INPP4B: variants seen among roughly 807,000 people sequenced by gnomAD.
INPP4B encodes the protein inositol polyphosphate-4-phosphatase type II B, also known as inositol polyphosphate 4-phosphatase type II.
A neutral mutation model predicts 122.5 loss-of-function variants in INPP4B; 55 were observed. The ratio of observed to expected loss-of-function variants is 0.45; its 90% CI spans 0.36 to 0.56. INPP4B has a LOEUF of 0.56. Among genes scored for constraint, INPP4B ranks in the 20% least tolerant of loss-of-function variants. The pLI is 0.00. For missense variants in INPP4B, 1,000 were observed against 1,097.7 expected (o/e 0.91, Z 1.26); for synonymous variants, 403 against 388.7 (o/e 1.04, Z -0.43).
At chr4:142,699,597 C>T (rs966034477) in intron 2 of INPP4B, among the ~76,000 whole-genome samples, 11 of 152,176 alleles carry the variant, frequency 7.2e-5, no homozygotes, top group African/African-American at 2.4e-4. Flanking sequence ...ATATATTATA[C>T]ATCCCTGATC....
At chr4:142,499,962 C>T (rs762506153) in intron 2 of INPP4B, among the ~76,000 whole-genome samples, 15 of 152,210 alleles carry the variant, frequency 9.9e-5, no homozygotes, top group Admixed American at 5.2e-4. Flanking sequence ...CAGCCTGAGG[C>T]CAAATCCCCT....
At chr4:142,363,356 T>C (rs1041364951) in intron 7 of INPP4B, among the ~76,000 whole-genome samples, 1 of 151,858 alleles carries the variant, frequency 6.6e-6, no homozygotes, top group Non-Finnish European at 1.5e-5. Context: ...TATATATGTG[T>C]GTGTGTATAC....
At chr4:142,312,359 C>T (rs764274629) in intron 8 of INPP4B, among the ~76,000 whole-genome samples, 10 of 152,184 alleles carry the variant, frequency 6.6e-5, no homozygotes, top group Non-Finnish European at 1.3e-4. Context: ...GCTAATTTCT[C>T]TCTTAATCAT....
chr4:142,458,393 C>CT (rs1815959310), intron 3 of INPP4B, among the ~76,000 whole-genome samples: 1 of 151,662 alleles, frequency 6.6e-6, no homozygotes, highest in Non-Finnish European at 1.5e-5. Flanking sequence ...ACTCAAAGAA[C>CT]TATATGCCAA....
rs139245396 is a variant in INPP4B, at chr4:142,090,418, T to C, written c.2375-4162A>G. Among the ~76,000 whole-genome samples the C allele has an allele frequency of 1.1e-3, 159 of 149,156 alleles. 1 individual carries two copies. The highest frequency in any genetic ancestry group is 7.1e-3 in the Middle Eastern group (2 of 282). ...GCCATTTTTTTTTTTTTCAACCCAATAAAAATTCTGCAGACCACAGAAATT... is the reference window on the plus strand; with the variant it reads ...GCCATTTTTTTTTTTTTCAACCCAACAAAAATTCTGCAGACCACAGAAATT... On this transcript the variant is annotated intron_variant, in intron 23 of 25. Transcript: ENST00000262992.
At chr4:142,815,587 A>C (rs1030333392) in intron 1 of INPP4B, among the ~76,000 whole-genome samples, 8 of 152,140 alleles carry the variant, frequency 5.3e-5, no homozygotes, top group Middle Eastern at 3.2e-3. Context: ...CTGTGATGAA[A>C]AAATCAAATC....
chr4:142,423,576 A>T (rs1363191300), intron 5 of INPP4B: 2 of 205,140 alleles, frequency 9.7e-6, no homozygotes, highest in African/African-American at 2.4e-5. Context: ...CTCCTTATTT[A>T]TAGCCACGAT....
chr4:142,781,493 A>G (rs190774889), intron 1 of INPP4B, among the ~76,000 whole-genome samples: 1 of 152,314 alleles, frequency 6.6e-6, no homozygotes, highest in Non-Finnish European at 1.5e-5. Context: ...GATCATCTTA[A>G]GAAGTGATTA....
At chr4:142,407,276 G>C (rs1466380690) in intron 5 of INPP4B, among the ~76,000 whole-genome samples, 1 of 152,114 alleles carries the variant, frequency 6.6e-6, no homozygotes, top group Non-Finnish European at 1.5e-5. Context: ...TTTTAAAGCT[G>C]AGGCCACTGT....
At chr4:142,501,792 G>T (rs1823406277) in intron 2 of INPP4B, among the ~76,000 whole-genome samples, 1 of 152,056 alleles carries the variant, frequency 6.6e-6, no homozygotes, top group Admixed American at 6.6e-5. Flanking sequence ...AAGTCCAGAA[G>T]TTGGAAAACA....
intron 23 of INPP4B, among the ~76,000 whole-genome samples, chr4:142,087,234 A>G (rs336320): frequency 0.94 from 142,398 of 152,128 alleles, 67,397 homozygotes; most frequent in East Asian, 1. Context: ...GAGAACCAGC[A>G]CTATAAAGAA....
At chr4:142,802,665 C>T (rs1032118124) in intron 1 of INPP4B, among the ~76,000 whole-genome samples, 11 of 151,990 alleles carry the variant, frequency 7.2e-5, no homozygotes, top group East Asian at 5.8e-4. Flanking sequence ...TAAAATGGTA[C>T]GGAAGTTACC....
chr4:142,436,114 A>T lies in INPP4B; in HGVS notation c.-126-4729T>A, dbSNP rs1228371033. 2.6e-5 allele frequency among the ~76,000 whole-genome samples: 4 copies of T among 152,296 alleles called. No individual in the cohort carries two copies. The East Asian group carries it at 7.7e-4, about 29-fold the overall frequency. On this transcript the variant is annotated intron_variant, in intron 3 of 25. Coordinates refer to ENST00000262992, the MANE Select transcript of INPP4B (RefSeq NM_001101669.3). ...CTGGGTCCCGAGAGGTATTCTCCAC[A>T]GCCCAGCACACAGGCTGTGGCAGAC...
chr4:142,080,733 A>G (rs1271155011), intron 25 of INPP4B, among the ~76,000 whole-genome samples: 1 of 152,108 alleles, frequency 6.6e-6, no homozygotes, highest in Admixed American at 6.6e-5. Flanking sequence ...CTTCCAGAAG[A>G]TTTGTTACCT....
intron 15 of INPP4B, among the ~76,000 whole-genome samples, chr4:142,192,354 A>AAAAAAAAAAAAAAAAAAAAAAAAAAAG (rs148371542): frequency 1.4e-5 from 1 of 73,142 alleles, no homozygotes; most frequent in African/African-American, 4.2e-5. Flanking sequence ...AAAAAAAAAA[A>AAAAAAAAAAAAAAAAAAAAAAAAAAAG]TGGGATTCTT....
At position 142,803,255 on chromosome 4, in the gene INPP4B, G is replaced by T. The variant is rs369526610; in HGVS notation, c.-254+42954C>A. Among the ~76,000 whole-genome samples the T allele has an allele frequency of 5.8e-3, 880 of 151,650 alleles. 6 individuals carry two copies. Among genetic ancestry groups the T allele is most frequent in the African/African-American group, 0.019 (805 of 41,384 alleles). ...TAAAGAACCTTATACAATAAAATGG[G>T]TTTTTGCAGGAGCCATCAATTACAT... On this transcript the variant is annotated intron_variant, in intron 1 of 25. Transcript: ENST00000262992.
At chr4:142,838,193 CAT>C (rs985362322) in intron 1 of INPP4B, among the ~76,000 whole-genome samples, 64 of 152,072 alleles carry the variant, frequency 4.2e-4, no homozygotes, top group African/African-American at 1.5e-3. Context: ...CACACACACA[CAT>C]ATCTAAACTT....
chr4:142,286,624 C>T (rs1316571951), intron 9 of INPP4B, among the ~76,000 whole-genome samples: 3 of 152,052 alleles, frequency 2.0e-5, no homozygotes, highest in Non-Finnish European at 4.4e-5. Flanking sequence ...AATCAGACTT[C>T]TTAGGGAAGA....
intron 2 of INPP4B, among the ~76,000 whole-genome samples, chr4:142,579,620 G>A (rs1285773316): frequency 6.6e-6 from 1 of 151,826 alleles, no homozygotes; most frequent in Non-Finnish European, 1.5e-5. Context: ...CTCAAGTAAT[G>A]GAGGATTCTT....
Sources: allele counts gnomAD v4.1 joint callset (sites outside exome capture counted in the v4.1 genomes callset), GRCh38; gene constraint gnomAD v4.1.1; transcripts MANE v1.5; gene names NCBI Gene and HGNC (gene_info 2026-07-23, HGNC 2026-07-21).